The following KIF1A variants were observed in gnomAD, a reference collection of about 807,000 sequenced individuals.
KIF1A encodes kinesin-like protein KIF1A.
Under a neutral mutation model 227.3 loss-of-function variants are expected in KIF1A, and 46 were observed. The observed-to-expected ratio is 0.20, with a 90% CI of 0.16 to 0.26. The LOEUF (loss-of-function observed/expected upper bound fraction) is 0.26. Among genes scored for constraint, KIF1A ranks in the 10% least tolerant of loss-of-function variants. KIF1A has a pLI of 1.00. For missense variants in KIF1A, 1,683 were observed against 2,485.9 expected (o/e 0.68, Z 6.87); for synonymous variants, 1,022 against 1,012.8 (o/e 1.01, Z -0.17).
intron 27 of KIF1A, among the ~76,000 whole-genome samples, chr2:240,755,053 C>G (rs934263265): frequency 4.6e-5 from 7 of 152,234 alleles, no homozygotes; most frequent in African/African-American, 1.7e-4. Flanking sequence ...ACCCACCCTT[C>G]CTGTGTTTCC....
At chr2:240,741,453 G>A in intron 34 of KIF1A, 76 bp from the exon 35 acceptor site, 2 of 1,178,642 alleles carry the variant, frequency 1.7e-6, no homozygotes, top group Non-Finnish European at 2.3e-6. Context: ...TCAAGGAGGA[G>A]ATGCCGGGGC....
chr2:240,797,580 A>C, intron 2 of KIF1A, 67 bp downstream of exon 2: 1 of 1,135,758 alleles, frequency 8.8e-7, no homozygotes, highest in Admixed American at 1.9e-5. Context: ...AGCCTGGCCC[A>C]TAGGCACAGG....
chr2:240,808,822 C>A (rs1165205806), intron 1 of KIF1A, among the ~76,000 whole-genome samples: 7 of 152,124 alleles, frequency 4.6e-5, no homozygotes, highest in African/African-American at 1.7e-4. Context: ...CCTCCGCCTC[C>A]TGCGTTCAAG....
At chr2:240,718,256 G>A in intron 47 of KIF1A, 88 bp from the exon 48 acceptor site, 1 of 907,300 alleles carries the variant, frequency 1.1e-6, no homozygotes, top group Non-Finnish European at 1.8e-6. Context: ...GCAGGCAGGG[G>A]AGGGGCACTG....
rs1233819508 is a variant in KIF1A, at chr2:240,715,245, C to T, written c.*2119G>A. ...CTCCTTGCTGCATCTTGGTCCACTG[C>T]CTCCAGAGGTCACCCATGGGGAGCA... On this transcript the variant is annotated 3_prime_UTR_variant, in exon 49 of 49. Coordinates refer to ENST00000498729, the MANE Select transcript of KIF1A (RefSeq NM_001244008.2). 1 of 152,476 alleles carries T rather than the reference C, an allele frequency of 6.6e-6. No individual in the cohort carries two copies. Among genetic ancestry groups the T allele is most frequent in the Non-Finnish European group, 1.5e-5 (1 of 68,096 alleles). 9.4% of individuals were successfully genotyped at this position (152,476 alleles called of 1,614,324 possible).
intron 38 of KIF1A, among the ~76,000 whole-genome samples, chr2:240,727,893 A>G (rs2046212264): frequency 6.6e-6 from 1 of 152,208 alleles, no homozygotes; most frequent in Admixed American, 6.5e-5. Context: ...TGGTGCTCAC[A>G]GGGAGGACTG....
intron 38 of KIF1A, among the ~76,000 whole-genome samples, chr2:240,735,050 C>A (rs2047167883): frequency 6.6e-6 from 1 of 152,214 alleles, no homozygotes; most frequent in South Asian, 2.1e-4. Flanking sequence ...CACAGGAAGG[C>A]CCACTGGCCT....
At chr2:240,741,202 C>T in intron 35 of KIF1A, 67 bp downstream of exon 35, 1 of 1,111,120 alleles carries the variant, frequency 9.0e-7, no homozygotes, top group South Asian at 1.4e-5. Context: ...CAGCTCAAGT[C>T]CTCGTCCCTC....
At chr2:240,791,933 C>A (rs1370539996) in intron 2 of KIF1A, among the ~76,000 whole-genome samples, 1 of 148,476 alleles carries the variant, frequency 6.7e-6, no homozygotes, top group Non-Finnish European at 1.5e-5. Flanking sequence ...CCAGGCCCTG[C>A]ACTGGGGCTG....
chr2:240,794,679 A>G (rs2056168378), intron 2 of KIF1A, among the ~76,000 whole-genome samples: 1 of 152,202 alleles, frequency 6.6e-6, no homozygotes, highest in East Asian at 1.9e-4. Context: ...TTGCTGGATA[A>G]CCTTCGTTGC....
At chr2:240,784,064 C>T (rs2126056221) in intron 7 of KIF1A, among the ~76,000 whole-genome samples, 2 of 152,338 alleles carry the variant, frequency 1.3e-5, no homozygotes, top group South Asian at 4.1e-4. Context: ...ACGGGCGCTG[C>T]CACCACACGC....
Position 240,723,590 on chromosome 2 carries a change from C to T in KIF1A, c.4319-32G>A, listed in dbSNP as rs1341850675. 3.3e-6 allele frequency: 5 copies of T among 1,512,062 alleles called. No homozygotes were observed. The African/African-American group carries it at 5.5e-5, about 17-fold the overall frequency. The allele number at this position is 1,512,062 out of a possible 1,614,324, so 93.7% of individuals were successfully genotyped here. Reference sequence around the variant, plus strand: ...GGGGCACGTGGACATTCCACCCCTACCTGATGGGTGGCTGCTCCTCCCACC... The same window carrying T: ...GGGGCACGTGGACATTCCACCCCTATCTGATGGGTGGCTGCTCCTCCCACC... On this transcript the variant is annotated intron_variant, in intron 41 of 48. Coordinates refer to ENST00000498729, the MANE Select transcript of KIF1A (RefSeq NM_001244008.2).
rs2053043055 is a variant in KIF1A, at chr2:240,778,247, G to T, written c.883-2321C>A. Among the ~76,000 whole-genome samples, 2 of 152,062 alleles carry T rather than the reference G, an allele frequency of 1.3e-5. No individual in the cohort carries two copies. Among genetic ancestry groups the T allele is most frequent in the Admixed American group, 1.3e-4 (2 of 15,272 alleles). ...AAGTTCCACACGCAATTCTGTCACA[G>T]TTCTCTGTGGAGTTCTTTACACAGT... is the stretch of plus-strand genomic sequence containing the variant. On this transcript the variant is annotated intron_variant, in intron 10 of 48. Coordinates refer to ENST00000498729, the MANE Select transcript of KIF1A (RefSeq NM_001244008.2). The surrounding 1 kb of genome is among the most constrained non-coding windows in gnomAD (Gnocchi z 7.2).
At chr2:240,733,594 G>T (rs370739079) in intron 38 of KIF1A, among the ~76,000 whole-genome samples, 1 of 152,228 alleles carries the variant, frequency 6.6e-6, no homozygotes, top group East Asian at 1.9e-4. Flanking sequence ...CCCCTGGGCA[G>T]AGTCTTCTCC....
intron 1 of KIF1A, among the ~76,000 whole-genome samples, chr2:240,811,609 CA>C (rs536710936): frequency 1.5e-3 from 233 of 152,222 alleles, no homozygotes; most frequent in African/African-American, 5.5e-3. Flanking sequence ...GAGCTCCCCT[CA>C]AAGACAGAGA....
chr2:240,789,345 G>C lies in KIF1A; in HGVS notation c.107-33C>G, dbSNP rs1327904394. On this transcript the variant is annotated intron_variant, in intron 2 of 48. Transcript: ENST00000498729. The surrounding 1 kb of genome is among the most constrained non-coding windows in gnomAD (Gnocchi z 4.8). Reference sequence around the variant, plus strand: ...AGGGAACACAGGTGGTTAGCGCTGTGCTGGGAGGGCCCCTGACTAGCTGGC... The same window carrying C: ...AGGGAACACAGGTGGTTAGCGCTGTCCTGGGAGGGCCCCTGACTAGCTGGC... 6.4e-7 allele frequency: 1 copy of C among 1,558,150 alleles called. No individual in the cohort carries two copies. Among genetic ancestry groups the C allele is most frequent in the Non-Finnish European group, 8.9e-7 (1 of 1,129,514 alleles).
At chr2:240,751,934 G>A (rs762066354) in intron 27 of KIF1A, among the ~76,000 whole-genome samples, 14 of 152,058 alleles carry the variant, frequency 9.2e-5, no homozygotes, top group Non-Finnish European at 1.2e-4. Flanking sequence ...TGGCCGTCTC[G>A]TTCATTCTGA....
At chr2:240,723,087 C>T (rs1489519712) in intron 42 of KIF1A, among the ~76,000 whole-genome samples, 4 of 152,244 alleles carry the variant, frequency 2.6e-5, no homozygotes, top group African/African-American at 4.8e-5. Context: ...ATGTTGGTTT[C>T]CCTGATCAAA....
At chr2:240,794,166 C>G (rs2056089277) in intron 2 of KIF1A, among the ~76,000 whole-genome samples, 1 of 152,222 alleles carries the variant, frequency 6.6e-6, no homozygotes, top group African/African-American at 2.4e-5. Context: ...CCCCCTTCCT[C>G]CGTCAGGCTT....
Sources: gnomAD v4.1 joint callset for allele counts (sites outside exome capture counted in the v4.1 genomes callset) on GRCh38, gnomAD v4.1.1 for gene constraint, Gnocchi (gnomAD v3.1) non-coding constraint, MANE v1.5 for transcripts, NCBI Gene and HGNC (gene_info 2026-07-23, HGNC 2026-07-21) for gene names.